DRD2: variants seen among roughly 807,000 people sequenced by gnomAD.
DRD2 encodes dopamine receptor D2.
In DRD2, 8 loss-of-function variants were observed where a neutral mutation model predicts 38.0. That is an observed-to-expected ratio of 0.21 (90% CI 0.12 to 0.38). The LOEUF (loss-of-function observed/expected upper bound fraction) is 0.38. DRD2 is among the 10% of genes least tolerant of loss of function. The probability of loss-of-function intolerance (pLI) is 1.00; values close to 1 mark genes in which losing one functional copy is unlikely to be tolerated. For synonymous variants in DRD2, 230 were observed against 238.6 expected (o/e 0.96, Z 0.33); for missense variants, 403 against 607.7 (o/e 0.66, Z 3.54).
intron 1 of DRD2, among the ~76,000 whole-genome samples, chr11:113,445,254 G>A (rs895501022): frequency 6.6e-5 from 10 of 152,160 alleles, no homozygotes; most frequent in Non-Finnish European, 1.2e-4. Flanking sequence ...TGGAAAAACT[G>A]GCAAAATGCA....
At chr11:113,426,238 A>T (rs189813180) in intron 1 of DRD2, among the ~76,000 whole-genome samples, 2 of 151,974 alleles carry the variant, frequency 1.3e-5, no homozygotes, top group Non-Finnish European at 2.9e-5. Context: ...GGGTAATGCT[A>T]GGATTTCTGC....
chr11:113,410,627 C>A lies in DRD2; in HGVS notation c.*100G>T, dbSNP rs145419243. 2.0e-6 allele frequency: 3 copies of A among 1,487,214 alleles called. No individual in the cohort carries two copies. The highest frequency in any genetic ancestry group is 1.9e-6 in the Non-Finnish European group (2 of 1,068,326). The allele number at this position is 1,487,214 out of a possible 1,614,324, so 92.1% of individuals were successfully genotyped here. ...GGGCCTGCCGGGGTGAAGAGGAGGC[C>A]GATCCACCCAGGCCTTCCTGCTCAC... is the stretch of plus-strand genomic sequence containing the variant. On this transcript the variant is annotated 3_prime_UTR_variant, in exon 8 of 8. Transcript: ENST00000362072.
chr11:113,438,529 C>T (rs1049855325), intron 1 of DRD2, among the ~76,000 whole-genome samples: 1 of 152,074 alleles, frequency 6.6e-6, no homozygotes, highest in Non-Finnish European at 1.5e-5. Flanking sequence ...TCTCTGTGAC[C>T]CCCAATTTTC....
At chr11:113,424,194 G>A (rs1418032298) in intron 2 of DRD2, among the ~76,000 whole-genome samples, 173 bp downstream of exon 2, 2 of 152,222 alleles carry the variant, frequency 1.3e-5, no homozygotes, top group Non-Finnish European at 2.9e-5. Context: ...GATTATTAAG[G>A]AAACAATCTA....
At chr11:113,446,265 A>G (rs1334207431) in intron 1 of DRD2, among the ~76,000 whole-genome samples, 1 of 151,932 alleles carries the variant, frequency 6.6e-6, no homozygotes, top group Non-Finnish European at 1.5e-5. Flanking sequence ...TCTTCATCCA[A>G]ACTCCTTAGA....
chr11:113,454,401 C>T (rs1002972561), intron 1 of DRD2, among the ~76,000 whole-genome samples: 4 of 151,896 alleles, frequency 2.6e-5, no homozygotes, highest in Non-Finnish European at 5.9e-5. Flanking sequence ...AATTAGGATT[C>T]AGAGAGGTTG....
At position 113,410,342 on chromosome 11, in the gene DRD2, C is replaced by A; in HGVS notation, c.*385G>T. The A allele has an allele frequency of 2.3e-6, 1 of 425,758 alleles. No homozygotes were observed. The highest frequency in any genetic ancestry group is 2.5e-5 in the South Asian group (1 of 39,370). 26.4% of individuals were successfully genotyped at this position (425,758 alleles called of 1,614,324 possible). On this transcript the variant is annotated 3_prime_UTR_variant, in exon 8 of 8. Transcript: ENST00000362072. ...TCCCCACCGCCTGCTCCACGCCAAG[C>A]CCCACAAAGAGAAAACTCAGCCTCT... is the stretch of plus-strand genomic sequence containing the variant.
chr11:113,416,560 C>T (rs1242096056), intron 4 of DRD2, among the ~76,000 whole-genome samples: 3 of 152,254 alleles, frequency 2.0e-5, no homozygotes, highest in East Asian at 1.9e-4. Context: ...TTGTGAAGCA[C>T]GTCTTGCCTC....
At position 113,410,206 on chromosome 11, in the gene DRD2, A is replaced by C. The variant is rs6274; in HGVS notation, c.*521T>G. On this transcript the variant is annotated 3_prime_UTR_variant, in exon 8 of 8. Coordinates refer to ENST00000362072, the MANE Select transcript of DRD2 (RefSeq NM_000795.4). ...TTGGCTTGGGAATCTCTGGGGTCCA[A>C]CCTGCAGTCTGGTATTTACATGGGT... The C allele has an allele frequency of 0.035, 6,938 of 199,516 alleles. 523 individuals carry two copies. The highest frequency in any genetic ancestry group is 0.15 in the African/African-American group (6,557 of 43,242). The allele number at this position is 199,516 out of a possible 1,614,324, so 12.4% of individuals were successfully genotyped here.
At chr11:113,474,817 T>TC (rs1272053735) in intron 1 of DRD2, among the ~76,000 whole-genome samples, 2 of 151,840 alleles carry the variant, frequency 1.3e-5, no homozygotes, top group Non-Finnish European at 2.9e-5. Context: ...CCGCTCGTGC[T>TC]CGGGGAGAGG....
At chr11:113,446,499 C>T (rs550396853) in intron 1 of DRD2, among the ~76,000 whole-genome samples, 1 of 152,320 alleles carries the variant, frequency 6.6e-6, no homozygotes, top group African/African-American at 2.4e-5. Flanking sequence ...CAGATAATGC[C>T]AATGGGGCCA....
At chr11:113,472,383 T>C (rs1951437261) in intron 1 of DRD2, among the ~76,000 whole-genome samples, 1 of 152,208 alleles carries the variant, frequency 6.6e-6, no homozygotes, top group Non-Finnish European at 1.5e-5. Flanking sequence ...CAGGAGTATG[T>C]GAGGCCATAT....
Position 113,415,615 on chromosome 11 carries a change from G to T in DRD2, c.533-4C>A. The T allele has an allele frequency of 6.2e-7, 1 of 1,610,590 alleles. No homozygotes were observed. Among genetic ancestry groups the T allele is most frequent in the Non-Finnish European group, 8.5e-7 (1 of 1,178,204 alleles). ...GCAATGATGCACTCGTTCTGGTCTG[G>T]GGGAGGGAGAGCCCGGGCAGGCAGG... On this transcript the variant is annotated splice_polypyrimidine_tract_variant and splice_region_variant and intron_variant, in intron 4 of 7. Coordinates refer to ENST00000362072, the MANE Select transcript of DRD2 (RefSeq NM_000795.4).
At chr11:113,451,822 G>A (rs772960531) in intron 1 of DRD2, among the ~76,000 whole-genome samples, 11 of 152,180 alleles carry the variant, frequency 7.2e-5, no homozygotes, top group Non-Finnish European at 1.2e-4. Context: ...TCTCATTCAT[G>A]AGTTAAATGA....
In DRD2 at chr11:113,442,268, C is replaced by A. The variant is rs914813396; in HGVS notation, c.-31-17586G>T. ...CCACAATCCCCAGCCATCCTTACAG[C>A]CCTGCACCCAGCTGGTTTCACTCAG... On this transcript the variant is annotated intron_variant, in intron 1 of 7. Coordinates refer to ENST00000362072, the MANE Select transcript of DRD2 (RefSeq NM_000795.4). Among the ~76,000 whole-genome samples, 3 of 152,304 alleles carry A rather than the reference C, an allele frequency of 2.0e-5. No homozygotes were observed. The South Asian group carries it at 6.2e-4, about 32-fold the overall frequency.
intron 1 of DRD2, among the ~76,000 whole-genome samples, chr11:113,464,388 G>A (rs1431282290): frequency 6.6e-6 from 1 of 152,060 alleles, no homozygotes; most frequent in Non-Finnish European, 1.5e-5. Flanking sequence ...GTTCCTTTCA[G>A]GTGCCCACCA....
intron 1 of DRD2, chr11:113,447,517 G>A (rs1003785061): frequency 2.0e-5 from 3 of 151,538 alleles, no homozygotes; most frequent in Non-Finnish European, 2.9e-5. Context: ...AGAAAGTGCT[G>A]CTTGTTCCAG....
At chr11:113,427,549 T>C (rs540906779) in intron 1 of DRD2, among the ~76,000 whole-genome samples, 1 of 152,314 alleles carries the variant, frequency 6.6e-6, no homozygotes, top group African/African-American at 2.4e-5. Context: ...TCTTGTTCTT[T>C]CCCAACTCTT....
chr11:113,424,876 C>A, intron 1 of DRD2, 194 bp from the exon 2 acceptor site: 1 of 595,760 alleles, frequency 1.7e-6, no homozygotes, highest in East Asian at 2.8e-5. Flanking sequence ...GCTGGTAGGA[C>A]AAATGAGCAA....
Sources: gnomAD v4.1 joint callset for allele counts (sites outside exome capture counted in the v4.1 genomes callset) on GRCh38, gnomAD v4.1.1 for gene constraint, MANE v1.5 for transcripts, NCBI Gene and HGNC (gene_info 2026-07-23, HGNC 2026-07-21) for gene names.